Variants in ADCY1 observed in about 807,000 individuals in gnomAD.
ADCY1 encodes the protein adenylate cyclase 1.
ADCY1 carries 28 observed loss-of-function variants against 105.4 expected under a neutral mutation model. That is an observed-to-expected ratio of 0.27 (90% CI 0.20 to 0.36). The LOEUF is 0.36. Ranked by LOEUF, ADCY1 falls within the 10% of genes least tolerant of loss-of-function variation. The pLI is 1.00. For missense variants in ADCY1, 977 were observed against 1,434.2 expected (o/e 0.68, Z 5.15); for synonymous variants, 655 against 623.8 (o/e 1.05, Z -0.75).
intron 8 of ADCY1, among the ~76,000 whole-genome samples, chr7:45,673,964 CAT>C (rs58025464): frequency 0.03 from 3,413 of 112,548 alleles, 25 homozygotes; most frequent in African/African-American, 0.038. Context: ...TTCAGATGAG[CAT>C]ATATATATAT....
In ADCY1 at chr7:45,592,687, C is replaced by T. The variant is rs1584254136; in HGVS notation, c.640-72C>T. The stretch of plus-strand genomic sequence containing the variant: ...TTTTGGAGAGCTCTTGCTATGCTCT[C>T]CGGGCGGCCTAGGCCCTCTTTGTGT... On this transcript the variant is annotated intron_variant, in intron 1 of 19. Coordinates refer to ENST00000297323, the MANE Select transcript of ADCY1 (RefSeq NM_021116.4). 9 of 1,594,986 alleles carry T rather than the reference C, an allele frequency of 5.6e-6. No homozygotes were observed. In the East Asian group the frequency reaches 1.6e-4, roughly 28 times the overall value.
chr7:45,687,822 C>T (rs913230944), intron 14 of ADCY1, among the ~76,000 whole-genome samples: 1 of 152,176 alleles, frequency 6.6e-6, no homozygotes, highest in African/African-American at 2.4e-5. Context: ...TTTGGGTAGG[C>T]TCTGAACCTG....
At chr7:45,666,670 A>C (rs181123078) in intron 8 of ADCY1, among the ~76,000 whole-genome samples, 1 of 152,178 alleles carries the variant, frequency 6.6e-6, no homozygotes, top group East Asian at 1.9e-4. Flanking sequence ...GTCAAATGGT[A>C]TTTCTAGTTC....
intron 2 of ADCY1, 41 bp from the exon 3 acceptor site, chr7:45,610,338 G>C (rs1357700601): frequency 2.6e-6 from 4 of 1,562,998 alleles, no homozygotes; most frequent in Non-Finnish European, 3.5e-6. Context: ...GTGGAGGGAG[G>C]GGGCCCTGCT....
intron 1 of ADCY1, 152 bp from the exon 2 acceptor site, chr7:45,592,607 G>GCTGA (rs1322748888): frequency 9.8e-7 from 1 of 1,018,774 alleles, no homozygotes; most frequent in African/African-American, 1.6e-5. Flanking sequence ...CTCCTGCCCG[G>GCTGA]CTGACTCCCT....
At position 45,686,610 on chromosome 7, in the gene ADCY1, G is replaced by A. The variant is rs149694105; in HGVS notation, c.2391G>A (p.Ala797=). The change falls in exon 14 of 20, where the codon GCG becomes GCA. Residue 797 remains alanine (A), a synonymous_variant. Coordinates refer to ENST00000297323, the MANE Select transcript of ADCY1 (RefSeq NM_021116.4). This position sits in a 1 kb window ranked among gnomAD's most constrained non-coding sequence, Gnocchi z 4.3. ...TGGCCATCCTGCTCTTCTCCTGTGC[G>A]CTGGCCCTGCATGCCAGGCAGGTGG... ...PIVAILLFSC[A]LALHARQVDI... 33 of 1,613,570 alleles carry A rather than the reference G, an allele frequency of 2.0e-5. No individual in the cohort carries two copies. In the Middle Eastern group the frequency reaches 5.0e-4, roughly 24 times the overall value.
intron 8 of ADCY1, among the ~76,000 whole-genome samples, chr7:45,668,442 T>C (rs1183733367): frequency 2.0e-5 from 3 of 152,230 alleles, no homozygotes; most frequent in East Asian, 1.9e-4. Context: ...TATTGATTTG[T>C]GTATGTTGAA....
chr7:45,609,714 C>T (rs185261527), intron 2 of ADCY1, among the ~76,000 whole-genome samples: 182 of 152,248 alleles, frequency 1.2e-3, no homozygotes, highest in Non-Finnish European at 2.1e-3. Context: ...GGTCAGGGAA[C>T]ATCCAACTGG....
intron 3 of ADCY1, among the ~76,000 whole-genome samples, chr7:45,616,761 A>G (rs1226980923): frequency 6.6e-6 from 1 of 152,242 alleles, no homozygotes; most frequent in Non-Finnish European, 1.5e-5. Flanking sequence ...GAACAAGACA[A>G]TGATATCCAC....
chr7:45,681,640 T>A (rs546364372), intron 11 of ADCY1, among the ~76,000 whole-genome samples: 5 of 152,084 alleles, frequency 3.3e-5, no homozygotes, highest in Admixed American at 6.5e-5. Flanking sequence ...CAGGGTTTGA[T>A]TGAATCACAA....
intron 4 of ADCY1, among the ~76,000 whole-genome samples, chr7:45,623,863 A>G (rs1450346531): frequency 6.6e-6 from 1 of 152,122 alleles, no homozygotes; most frequent in Admixed American, 6.5e-5. Context: ...TTTCAGGGCC[A>G]CTGACCCACC....
chr7:45,588,661 G>C (rs1359088521), intron 1 of ADCY1, among the ~76,000 whole-genome samples: 2 of 151,978 alleles, frequency 1.3e-5, no homozygotes, highest in Non-Finnish European at 2.9e-5. Context: ...CTGCGGACAG[G>C]TCCTGCTCCT....
chr7:45,682,081 G>A (rs1198709407), intron 11 of ADCY1, among the ~76,000 whole-genome samples: 1 of 152,128 alleles, frequency 6.6e-6, no homozygotes, highest in Non-Finnish European at 1.5e-5. Context: ...GGTGATGATG[G>A]CCCCCACCTC....
At chr7:45,682,377 G>T (rs959252486) in intron 11 of ADCY1, among the ~76,000 whole-genome samples, 2 of 152,192 alleles carry the variant, frequency 1.3e-5, no homozygotes, top group African/African-American at 4.8e-5. Flanking sequence ...CAGGGTTGCA[G>T]GCTGAGGTTT....
intron 8 of ADCY1, among the ~76,000 whole-genome samples, chr7:45,663,963 C>G (rs1249097633): frequency 6.6e-6 from 1 of 151,996 alleles, no homozygotes; most frequent in African/African-American, 2.4e-5. Context: ...AGACTCAGCT[C>G]CTAACAGAAG....
rs1362743747 is a variant in ADCY1, at chr7:45,721,217, C to T, written c.*7222C>T. 1.3e-5 allele frequency: 2 copies of T among 152,354 alleles called. No homozygotes were observed. The highest frequency in any genetic ancestry group is 4.8e-5 in the African/African-American group (2 of 41,442). The allele number at this position is 152,354 out of a possible 1,614,324, so 9.4% of individuals were successfully genotyped here. ...AACTGCCCGCCCTCAGAGCAGGTGC[C>T]TAAGTCCTCCCTGGCACTGGCAGGC... On this transcript the variant is annotated 3_prime_UTR_variant, in exon 20 of 20. Transcript: ENST00000297323.
chr7:45,684,943 C>T, intron 11 of ADCY1, 36 bp from the exon 12 acceptor site: 1 of 1,574,392 alleles, frequency 6.4e-7, no homozygotes, highest in Non-Finnish European at 8.7e-7. Flanking sequence ...CCTTGGTAAT[C>T]AGAGGGTATT....
At chr7:45,665,684 T>C (rs1298886887) in intron 8 of ADCY1, among the ~76,000 whole-genome samples, 1 of 152,244 alleles carries the variant, frequency 6.6e-6, no homozygotes, top group African/African-American at 2.4e-5. Flanking sequence ...TTAATGCAAA[T>C]AGAAGTTTAT....
chr7:45,659,881 C>T (rs1795048566), intron 6 of ADCY1, among the ~76,000 whole-genome samples, 161 bp from the exon 7 acceptor site: 2 of 152,196 alleles, frequency 1.3e-5, no homozygotes, highest in African/African-American at 2.4e-5. Flanking sequence ...GGCCCTCCCT[C>T]CTGGCATGGA....
Sources: allele counts gnomAD v4.1 joint callset (sites outside exome capture counted in the v4.1 genomes callset), GRCh38; gene constraint gnomAD v4.1.1; non-coding constraint Gnocchi (gnomAD v3.1); transcripts MANE v1.5; gene names NCBI Gene and HGNC (gene_info 2026-07-23, HGNC 2026-07-21).